IL12RB2: variants seen among roughly 807,000 people sequenced by gnomAD.
IL12RB2 encodes the protein interleukin-12 receptor subunit beta-2.
IL12RB2 carries 82 observed loss-of-function variants against 89.4 expected under a neutral mutation model. The ratio of observed to expected loss-of-function variants is 0.92; its 90% CI spans 0.77 to 1.10. IL12RB2 has a LOEUF of 1.10. Ranked by LOEUF, IL12RB2 falls within the 50% of genes least tolerant of loss-of-function variation. The pLI is 0.00. For missense variants in IL12RB2, 963 were observed against 1,031.9 expected (o/e 0.93, Z 0.92); for synonymous variants, 368 against 370.1 (o/e 0.99, Z 0.07).
In IL12RB2 at chr1:67,381,491, C is replaced by T. The variant is rs139443037; in HGVS notation, c.1855+1368C>T. ...ATGAAAGTTAACTTGCAGCTGGGCA[C>T]GGTAGCTCGTGCCTGTAATCCCAGG... On this transcript the variant is annotated intron_variant, in intron 14 of 16. Transcript: ENST00000674203. Among the ~76,000 whole-genome samples the T allele has an allele frequency of 1.7e-3, 261 of 152,266 alleles. 1 individual carries two copies. Among genetic ancestry groups the T allele is most frequent in the African/African-American group, 5.8e-3 (239 of 41,542 alleles).
chr1:67,348,339 T>C (rs1217986703), intron 9 of IL12RB2, among the ~76,000 whole-genome samples: 1 of 152,164 alleles, frequency 6.6e-6, no homozygotes, highest in African/African-American at 2.4e-5. Flanking sequence ...GAAACACGGC[T>C]GCCCACACCT....
intron 10 of IL12RB2, among the ~76,000 whole-genome samples, chr1:67,364,490 T>A (rs2172961): frequency 0.075 from 11,396 of 151,858 alleles, 845 homozygotes; most frequent in East Asian, 0.21. Flanking sequence ...GAAGCTGGAG[T>A]AGCTGTATTA....
At chr1:67,354,036 A>C (rs541105541) in intron 10 of IL12RB2, among the ~76,000 whole-genome samples, 1 of 152,356 alleles carries the variant, frequency 6.6e-6, no homozygotes, top group African/African-American at 2.4e-5. Flanking sequence ...CATAGGTAAA[A>C]GATACAGTCG....
At position 67,390,098 on chromosome 1, in the gene IL12RB2, C is replaced by T. The variant is rs998574766; in HGVS notation, c.2016C>T (p.Ser672=). The change falls in exon 16 of 17, where the codon AGC becomes AGT. Residue 672 remains serine (S), a synonymous_variant. Coordinates refer to ENST00000674203, the MANE Select transcript of IL12RB2 (RefSeq NM_001374259.2). ...CSREIPDPAN[S]TCAKKYPIAE... is the part of the protein sequence containing the mutation. ...GAGAAATTCCAGATCCAGCAAATAG[C>T]ACTTGCGCTAAGAAATATCCCATTG... 9.8e-6 allele frequency: 13 copies of T among 1,332,154 alleles called. No individual in the cohort carries two copies. Among genetic ancestry groups the T allele is most frequent in the Non-Finnish European group, 1.4e-5 (13 of 922,320 alleles). 82.5% of individuals were successfully genotyped at this position (1,332,154 alleles called of 1,614,324 possible).
chr1:67,332,169 T>C (rs1569841807), intron 8 of IL12RB2, among the ~76,000 whole-genome samples: 2 of 152,240 alleles, frequency 1.3e-5, no homozygotes, highest in South Asian at 4.1e-4. Context: ...ACCTAATATA[T>C]GATTCATAGA....
At chr1:67,323,878 T>C (rs1294898168) in intron 4 of IL12RB2, among the ~76,000 whole-genome samples, 1 of 152,100 alleles carries the variant, frequency 6.6e-6, no homozygotes, top group Non-Finnish European at 1.5e-5. Context: ...GGAGACAACC[T>C]GTCTTATATT....
chr1:67,395,447 G>A (rs1270817171), intron 16 of IL12RB2, 100 bp from the exon 17 acceptor site: 2 of 1,608,166 alleles, frequency 1.2e-6, no homozygotes, highest in Non-Finnish European at 1.7e-6. Flanking sequence ...CAGGGCTGAG[G>A]AGACAGTGCA....
chr1:67,351,226 T>C, intron 10 of IL12RB2, 137 bp downstream of exon 10: 1 of 1,462,028 alleles, frequency 6.8e-7, no homozygotes, highest in Non-Finnish European at 9.2e-7. Context: ...TTCAGAGGCT[T>C]TTTTTTTCTT....
intron 4 of IL12RB2, among the ~76,000 whole-genome samples, chr1:67,322,539 C>G (rs1569758268): frequency 6.6e-6 from 1 of 151,716 alleles, no homozygotes; most frequent in African/African-American, 2.4e-5. Context: ...AAGGAGTGAG[C>G]CAGGAAAGGG....
At chr1:67,314,350 G>C (rs1655478379) in intron 2 of IL12RB2, among the ~76,000 whole-genome samples, 1 of 152,194 alleles carries the variant, frequency 6.6e-6, no homozygotes, top group Non-Finnish European at 1.5e-5. Context: ...GGAATCAGCA[G>C]GGGAAATAGG....
intron 11 of IL12RB2, among the ~76,000 whole-genome samples, chr1:67,369,768 G>A (rs950783884): frequency 5.3e-5 from 8 of 152,144 alleles, no homozygotes; most frequent in African/African-American, 1.2e-4. Flanking sequence ...GGCTGGGCGC[G>A]GTGGCTCACG....
chr1:67,366,390 G>A (rs539003199), intron 10 of IL12RB2, among the ~76,000 whole-genome samples: 16 of 146,374 alleles, frequency 1.1e-4, no homozygotes, highest in Admixed American at 2.8e-4. Context: ...GGCAGAGGCC[G>A]CAGTGAGCCG....
At chr1:67,363,211 A>ATTTTTTT (rs199805464) in intron 10 of IL12RB2, among the ~76,000 whole-genome samples, 4 of 97,216 alleles carry the variant, frequency 4.1e-5, no homozygotes, top group African/African-American at 1.2e-4. Flanking sequence ...AATTATTCTT[A>ATTTTTTT]TTTTTTTTTT....
intron 14 of IL12RB2, among the ~76,000 whole-genome samples, chr1:67,381,327 G>C (rs1002509255): frequency 6.6e-6 from 1 of 152,212 alleles, no homozygotes; most frequent in Admixed American, 6.5e-5. Context: ...ATTTGCATCT[G>C]CTCTAAGCAT....
At chr1:67,386,909 T>TATATATATAC (rs1665248082) in intron 15 of IL12RB2, among the ~76,000 whole-genome samples, 3 of 142,062 alleles carry the variant, frequency 2.1e-5, no homozygotes, top group Non-Finnish European at 3.0e-5. Context: ...TATATATATA[T>TATATATATAC]ATATATATTC....
At chr1:67,395,485 GA>G in intron 16 of IL12RB2, 61 bp from the exon 17 acceptor site, 1 of 1,613,562 alleles carries the variant, frequency 6.2e-7, no homozygotes, top group Non-Finnish European at 8.5e-7. Flanking sequence ...GAACCCTGGA[GA>G]AATAGGTTGT....
At position 67,361,840 on chromosome 1, in the gene IL12RB2, C is replaced by T. The variant is rs749198245; in HGVS notation, c.1259-5985C>T. On this transcript the variant is annotated intron_variant, in intron 10 of 16. Coordinates refer to ENST00000674203, the MANE Select transcript of IL12RB2 (RefSeq NM_001374259.2). Reference sequence around the variant, plus strand: ...CAAACAGGGTAAATGGCACCCTCCACCCACAAAAAAAACTGTACCTACATA... The same window carrying T: ...CAAACAGGGTAAATGGCACCCTCCATCCACAAAAAAAACTGTACCTACATA... Among the ~76,000 whole-genome samples, 16 of 152,124 alleles carry T rather than the reference C, an allele frequency of 1.1e-4. 1 individual carries two copies. Among genetic ancestry groups the T allele is most frequent in the South Asian group, 1.0e-3 (5 of 4,816 alleles).
At chr1:67,327,684 A>T (rs1467374301) in intron 5 of IL12RB2, among the ~76,000 whole-genome samples, 4 of 152,168 alleles carry the variant, frequency 2.6e-5, no homozygotes, top group Admixed American at 6.5e-5. Flanking sequence ...GATCCAGCTG[A>T]TTTGTGCTAT....
intron 9 of IL12RB2, among the ~76,000 whole-genome samples, chr1:67,349,699 C>G (rs1660617590): frequency 6.6e-6 from 1 of 152,142 alleles, no homozygotes; most frequent in South Asian, 2.1e-4. Context: ...CTGCATTAAT[C>G]AAGCTTCCAG....
Sources: allele counts gnomAD v4.1 joint callset (sites outside exome capture counted in the v4.1 genomes callset), GRCh38; gene constraint gnomAD v4.1.1; transcripts MANE v1.5; gene names NCBI Gene and HGNC (gene_info 2026-07-23, HGNC 2026-07-21).